MSI2: variants seen among roughly 807,000 people sequenced by gnomAD.
The protein encoded by MSI2 is RNA-binding protein Musashi homolog 2.
Under a neutral mutation model 45.6 loss-of-function variants are expected in MSI2, and 17 were observed. The ratio of observed to expected loss-of-function variants is 0.37; its 90% CI spans 0.26 to 0.56. The LOEUF is 0.56. MSI2 is among the 20% of genes least tolerant of loss of function. MSI2 has a pLI of 0.77. For synonymous variants in MSI2, 156 were observed against 158.2 expected (o/e 0.99, Z 0.11); for missense variants, 293 against 444.2 (o/e 0.66, Z 3.06).
intron 5 of MSI2, among the ~76,000 whole-genome samples, chr17:57,385,839 G>C (rs2083676915): frequency 6.6e-6 from 1 of 152,140 alleles, no homozygotes; most frequent in African/African-American, 2.4e-5. Context: ...GCAGCTTCAG[G>C]TAACCATTTT....
intron 7 of MSI2, among the ~76,000 whole-genome samples, chr17:57,538,714 C>T (rs529276074): frequency 2.0e-5 from 3 of 152,292 alleles, no homozygotes; most frequent in South Asian, 2.1e-4. Flanking sequence ...AAAACCCTTT[C>T]GTGGTTGTTT....
At chr17:57,603,210 C>T (rs1336490899) in intron 8 of MSI2, among the ~76,000 whole-genome samples, 1 of 152,242 alleles carries the variant, frequency 6.6e-6, no homozygotes, top group Non-Finnish European at 1.5e-5. Flanking sequence ...CGCCCCTCAC[C>T]ATGCCCTACC....
intron 11 of MSI2, among the ~76,000 whole-genome samples, chr17:57,662,632 C>T (rs1049957871): frequency 6.6e-6 from 1 of 152,222 alleles, no homozygotes; most frequent in African/African-American, 2.4e-5. Flanking sequence ...ATCGTACCAG[C>T]CCTGGGATGG....
intron 5 of MSI2, among the ~76,000 whole-genome samples, chr17:57,376,521 TCTC>T (rs2083499623): frequency 6.6e-6 from 1 of 152,222 alleles, no homozygotes; most frequent in Non-Finnish European, 1.5e-5. Context: ...GACCCTGACT[TCTC>T]ATGACCCCGT....
At chr17:57,543,528 G>GC (rs147106863) in intron 7 of MSI2, among the ~76,000 whole-genome samples, 4,604 of 152,240 alleles carry the variant, frequency 0.03, 83 homozygotes, top group African/African-American at 0.043. Flanking sequence ...CTTACAGATC[G>GC]AGTTCTAAAT....
intron 5 of MSI2, among the ~76,000 whole-genome samples, chr17:57,354,666 C>T (rs1916289367): frequency 6.6e-6 from 1 of 151,810 alleles, no homozygotes; most frequent in Admixed American, 6.6e-5. Context: ...CCAGGAAGTG[C>T]AGGTGAGAGC....
chr17:57,519,363 C>CAACTCCAGGAAGCAA (rs1262342917), intron 6 of MSI2, among the ~76,000 whole-genome samples: 1 of 152,136 alleles, frequency 6.6e-6, no homozygotes, highest in Non-Finnish European at 1.5e-5. Flanking sequence ...TCACTGGCTA[C>CAACTCCAGGAAGCAA]CACATGAGCC....
intron 10 of MSI2, among the ~76,000 whole-genome samples, chr17:57,638,867 A>C (rs1040793546): frequency 6.6e-6 from 1 of 152,194 alleles, no homozygotes; most frequent in Non-Finnish European, 1.5e-5. Flanking sequence ...GTGCCACTGC[A>C]TTCCAGCCTG....
intron 7 of MSI2, among the ~76,000 whole-genome samples, chr17:57,563,119 A>AAAAAC (rs2087626628): frequency 6.6e-6 from 1 of 151,794 alleles, no homozygotes; most frequent in Non-Finnish European, 1.5e-5. Flanking sequence ...AAAAAAAAAA[A>AAAAAC]AACAGTGCAT....
intron 6 of MSI2, among the ~76,000 whole-genome samples, chr17:57,439,707 C>T (rs1044333389): frequency 3.3e-5 from 5 of 152,068 alleles, no homozygotes; most frequent in South Asian, 2.1e-4. Context: ...TACAGGCGTG[C>T]GCCACCTTGC....
intron 8 of MSI2, among the ~76,000 whole-genome samples, chr17:57,608,966 A>G (rs1042403531): frequency 2.0e-5 from 3 of 152,134 alleles, no homozygotes; most frequent in Non-Finnish European, 4.4e-5. Flanking sequence ...TGGCCACTGG[A>G]TGGCAAAGGA....
At chr17:57,381,538 C>T (rs977782770) in intron 5 of MSI2, among the ~76,000 whole-genome samples, 25 of 152,134 alleles carry the variant, frequency 1.6e-4, no homozygotes, top group African/African-American at 5.8e-4. Flanking sequence ...TTGTTCCTGT[C>T]CTGTATGCCC....
intron 5 of MSI2, among the ~76,000 whole-genome samples, chr17:57,376,334 T>C (rs1393598287): frequency 1.3e-5 from 2 of 152,194 alleles, no homozygotes; most frequent in African/African-American, 4.8e-5. Context: ...CAGGGCCAAG[T>C]AGCCAGCAGA....
intron 11 of MSI2, 148 bp from the exon 12 acceptor site, chr17:57,674,824 G>T: frequency 1.7e-6 from 2 of 1,172,802 alleles, no homozygotes; most frequent in Non-Finnish European, 2.4e-6. Context: ...GTTAGAAGTT[G>T]GGCCTCAGCT....
chr17:57,346,349 G>C (rs962322411), intron 5 of MSI2, among the ~76,000 whole-genome samples: 2 of 46,302 alleles, frequency 4.3e-5, no homozygotes, highest in East Asian at 9.1e-4. Context: ...AACACATTTT[G>C]GGGGGGGGGG....
At chr17:57,368,315 G>C (rs2083370337) in intron 5 of MSI2, among the ~76,000 whole-genome samples, 1 of 152,124 alleles carries the variant, frequency 6.6e-6, no homozygotes, top group South Asian at 2.1e-4. Flanking sequence ...CAGCACTTTG[G>C]GAGGCTGAGG....
chr17:57,302,051 T>A (rs957058531), intron 5 of MSI2, among the ~76,000 whole-genome samples: 10 of 152,238 alleles, frequency 6.6e-5, no homozygotes, highest in Non-Finnish European at 1.5e-4. Context: ...GTTGTGGTTT[T>A]ATCTAGCATT....
intron 6 of MSI2, among the ~76,000 whole-genome samples, chr17:57,417,172 G>T (rs2084310771): frequency 6.6e-6 from 1 of 152,178 alleles, no homozygotes; most frequent in South Asian, 2.1e-4. Context: ...GTCTTCATGT[G>T]CCTCAATGCC....
intron 6 of MSI2, among the ~76,000 whole-genome samples, chr17:57,447,677 A>C (rs1050781388): frequency 3.3e-5 from 5 of 152,084 alleles, no homozygotes; most frequent in Admixed American, 2.6e-4. Context: ...TCCAACCCTC[A>C]GAGGATGGAT....
Sources: gnomAD v4.1 joint callset for allele counts (sites outside exome capture counted in the v4.1 genomes callset) on GRCh38, gnomAD v4.1.1 for gene constraint, MANE v1.5 for transcripts, NCBI Gene and HGNC (gene_info 2026-07-23, HGNC 2026-07-21) for gene names.